SLC10A1: variants seen among roughly 807,000 people sequenced by gnomAD.
The protein encoded by SLC10A1 is hepatic sodium/bile acid cotransporter.
SLC10A1 carries 36 observed loss-of-function variants against 20.5 expected under a neutral mutation model. That is an observed-to-expected ratio of 1.75 (90% confidence interval 1.34 to 2.32). The LOEUF is 2.32. Among genes scored for constraint, SLC10A1 ranks in the 30% most tolerant of loss-of-function variants. SLC10A1 has a pLI of 0.00. For synonymous variants in SLC10A1, 188 were observed against 163.6 expected, an observed-to-expected ratio of 1.15 and a Z score of -1.14; for missense variants, 545 against 439.1, an observed-to-expected ratio of 1.24 and a Z score of -2.16.
Position 69,778,587 on chromosome 14 carries a change from G to A in SLC10A1, c.747-58C>T, listed in dbSNP as rs1386777079. On this transcript the variant is annotated intron_variant, in intron 3 of 4. Transcript: ENST00000216540. ...AGAGGGAACTGGAGGGAGCAACTTT[G>A]TCCCAGTGCTGCTACCAAAGAGTTT... 2.1e-6 allele frequency: 3 copies of A among 1,427,498 alleles called. No homozygotes were observed. In the Admixed American group the frequency reaches 7.0e-5, roughly 33 times the overall value. 88.4% of individuals were successfully genotyped at this position (1,427,498 alleles called of 1,614,324 possible). A position where few individuals can be genotyped will look rare whatever the true frequency, so the allele number is the denominator to read the frequency against.
At position 69,796,893 on chromosome 14, in the gene SLC10A1, A is replaced by G. The variant is rs148467625; in HGVS notation, c.263T>C (p.Ile88Thr). The G allele has an allele frequency of 6.5e-4, 1,049 of 1,614,196 alleles. 3 individuals are homozygous for G. In the East Asian group the frequency reaches 0.012, roughly 19 times the overall value. The part of the protein sequence containing the change: ...VLGKVFRLKN[I>T]EALAILVCGC... ...ACAGACCAAGATGGCCAGTGCCTCA[A>G]TGTTCTTCAGCCGGAAGACCTTGCC... is the stretch of plus-strand genomic sequence containing the variant. The change falls in exon 1 of 5, where the codon ATT becomes ACT. Residue 88 changes from isoleucine to threonine, a missense_variant. Physicochemically the swap from Ile to Thr is moderately conservative, Grantham distance 89. Transcript: ENST00000216540.
chr14:69,778,572 G>A (rs774552057), intron 3 of SLC10A1, 43 bp from the exon 4 acceptor site: 2 of 1,514,412 alleles, frequency 1.3e-6, no homozygotes, highest in South Asian at 1.3e-5. Context: ...AGAGGGAACT[G>A]GAGGGAGCAA....
At chr14:69,788,077 A>C (rs1883763903) in intron 1 of SLC10A1, among the ~76,000 whole-genome samples, 1 of 151,862 alleles carries the variant, frequency 6.6e-6, no homozygotes, top group South Asian at 2.1e-4. Flanking sequence ...TAGTGGGGGA[A>C]CTCAAGCTGA....
At chr14:69,776,468 CA>C in intron 4 of SLC10A1, 80 bp from the exon 5 acceptor site, 2 of 1,083,896 alleles carry the variant, frequency 1.8e-6, no homozygotes, top group South Asian at 1.3e-5. Context: ...CTGGAAAGTA[CA>C]AAAATACCAA....
Position 69,796,871 on chromosome 14 carries a change from G to A in SLC10A1, c.285C>T (p.Val95=). 1 of 1,614,218 alleles carries A rather than the reference G, an allele frequency of 6.2e-7. No individual in the cohort carries two copies. The highest frequency in any genetic ancestry group is 8.5e-7 in the Non-Finnish European group (1 of 1,180,034). ...LKNIEALAIL[V]CGCSPGGNLS... is the part of the protein sequence containing the mutation. ...GGTTCCCTCCAGGTGAGCAGCCACAGACCAAGATGGCCAGTGCCTCAATGT... is the reference window on the plus strand; with the variant it reads ...GGTTCCCTCCAGGTGAGCAGCCACAAACCAAGATGGCCAGTGCCTCAATGT... Residue 95 remains valine (V), a synonymous_variant, in exon 1 of 5, where the codon GTC becomes GTT. Coordinates refer to ENST00000216540, the MANE Select transcript of SLC10A1 (RefSeq NM_003049.4).
intron 2 of SLC10A1, among the ~76,000 whole-genome samples, chr14:69,781,272 C>T (rs1435351988): frequency 6.6e-6 from 1 of 152,238 alleles, no homozygotes; most frequent in African/African-American, 2.4e-5. Flanking sequence ...CTGTCTCCTG[C>T]TGAGACAAGT....
At chr14:69,780,766 G>A (rs974180798) in intron 2 of SLC10A1, among the ~76,000 whole-genome samples, 1 of 152,172 alleles carries the variant, frequency 6.6e-6, no homozygotes, top group African/African-American at 2.4e-5. Context: ...TTTATTAAAA[G>A]ACTTATTAGC....
chr14:69,793,928 G>A (rs754352324), intron 1 of SLC10A1, among the ~76,000 whole-genome samples: 28 of 152,160 alleles, frequency 1.8e-4, no homozygotes, highest in Non-Finnish European at 3.4e-4. Flanking sequence ...GGGAGCTGCC[G>A]TCCCTGGCTG....
chr14:69,777,597 TTTTTTTTTA>T lies in SLC10A1; in HGVS notation c.943+727_943+735del, dbSNP rs1291551332. ...TGTCCTGTTTTTTTTTTTTTTTTTT[TTTTTTTTTA>T]AAATTGGTGTTAAAGTGCACTTTGA... On this transcript the variant is annotated intron_variant, in intron 4 of 4. Coordinates refer to ENST00000216540, the MANE Select transcript of SLC10A1 (RefSeq NM_003049.4). Among the ~76,000 whole-genome samples the T allele has an allele frequency of 1.4e-3, 141 of 97,966 alleles. 1 individual carries two copies. The highest frequency in any genetic ancestry group is 4.8e-3 in the African/African-American group (85 of 17,698). 64.3% of individuals were successfully genotyped at this position (97,966 alleles called of 152,430 possible).
chr14:69,789,703 CAATA>C (rs1883797551), intron 1 of SLC10A1, among the ~76,000 whole-genome samples: 2 of 151,886 alleles, frequency 1.3e-5, no homozygotes, highest in African/African-American at 2.4e-5. Flanking sequence ...AATTATATCT[CAATA>C]AATAGTAATT....
intron 4 of SLC10A1, 54 bp from the exon 5 acceptor site, chr14:69,776,442 A>G (rs1243667060): frequency 1.6e-5 from 23 of 1,394,948 alleles, no homozygotes; most frequent in East Asian, 1.1e-4. Flanking sequence ...GGAGTGAACA[A>G]TGAAGCTTGT....
chr14:69,792,923 T>C (rs1882308847), intron 1 of SLC10A1, among the ~76,000 whole-genome samples: 1 of 151,868 alleles, frequency 6.6e-6, no homozygotes, highest in Non-Finnish European at 1.5e-5. Flanking sequence ...CCGCAGTCTA[T>C]CTTGTTTATG....
chr14:69,780,025 A>T (rs1322339228), intron 2 of SLC10A1, among the ~76,000 whole-genome samples: 1 of 151,986 alleles, frequency 6.6e-6, no homozygotes, highest in East Asian at 1.9e-4. Context: ...CAAAGCTGGT[A>T]AACAAGGTGG....
intron 4 of SLC10A1, 28 bp from the exon 5 acceptor site, chr14:69,776,416 T>A: frequency 6.5e-7 from 1 of 1,547,940 alleles, no homozygotes; most frequent in Non-Finnish European, 8.9e-7. Flanking sequence ...GTTACAGGTG[T>A]AGAGAGAGAA....
chr14:69,781,995 C>T (rs1215767998), intron 2 of SLC10A1, among the ~76,000 whole-genome samples: 1 of 152,130 alleles, frequency 6.6e-6, no homozygotes, highest in Non-Finnish European at 1.5e-5. Context: ...ATCATTTGTT[C>T]GTTTTCCAGT....
intron 1 of SLC10A1, among the ~76,000 whole-genome samples, chr14:69,796,033 A>G (rs1882380483): frequency 6.6e-6 from 1 of 152,146 alleles, no homozygotes; most frequent in African/African-American, 2.4e-5. Flanking sequence ...GATGTTCAAG[A>G]CTAGAGTCTC....
intron 1 of SLC10A1, among the ~76,000 whole-genome samples, chr14:69,789,122 A>G (rs1196359761): frequency 1.8e-4 from 28 of 152,236 alleles, no homozygotes; most frequent in Admixed American, 1.8e-3. Context: ...GGTGGGAAGT[A>G]AAATGGTGCT....
intron 1 of SLC10A1, among the ~76,000 whole-genome samples, chr14:69,794,413 G>A (rs1196218467): frequency 1.3e-5 from 2 of 152,080 alleles, no homozygotes; most frequent in African/African-American, 2.4e-5. Context: ...CACAGGTTCC[G>A]GAGCCACCCA....
chr14:69,777,399 A>G (rs530705557), intron 4 of SLC10A1, among the ~76,000 whole-genome samples: 131 of 152,238 alleles, frequency 8.6e-4, no homozygotes, highest in African/African-American at 3.1e-3. Context: ...CCAATAGGGA[A>G]AGTTGTGTAT....
Sources: gnomAD v4.1 joint callset for allele counts (sites outside exome capture counted in the v4.1 genomes callset) on GRCh38, gnomAD v4.1.1 for gene constraint, MANE v1.5 for transcripts, NCBI Gene and HGNC (gene_info 2026-07-23, HGNC 2026-07-21) for gene names.